Variants in ZPBP observed in about 807,000 individuals in gnomAD.
ZPBP encodes zona pellucida-binding protein 1.
Under a neutral mutation model 44.8 loss-of-function variants are expected in ZPBP, and 26 were observed. The ratio of observed to expected loss-of-function variants is 0.58; its 90% CI spans 0.43 to 0.81. The LOEUF is 0.81. Among genes scored for constraint, ZPBP ranks in the 30% least tolerant of loss-of-function variants. ZPBP has a pLI of 0.00. For missense variants in ZPBP, 409 were observed against 434.0 expected (o/e 0.94, Z 0.51); for synonymous variants, 174 against 153.2 (o/e 1.14, Z -1.00).
chr7:50,040,378 T>C (rs1462780108), intron 4 of ZPBP, among the ~76,000 whole-genome samples: 3 of 152,322 alleles, frequency 2.0e-5, no homozygotes, highest in Non-Finnish European at 2.9e-5. Flanking sequence ...GCTGGCGAGA[T>C]GGCTGAATAG....
intron 5 of ZPBP, among the ~76,000 whole-genome samples, chr7:50,018,949 T>C (rs1435127795): frequency 6.6e-6 from 1 of 152,014 alleles, no homozygotes; most frequent in African/African-American, 2.4e-5. Flanking sequence ...AATGTAGAAA[T>C]GAGTACTGTC....
the ZPBP span, among the ~76,000 whole-genome samples, chr7:49,843,598 C>T: frequency 3.9e-5 from 6 of 152,126 alleles, no homozygotes; most frequent in Non-Finnish European, 7.3e-5. Context: ...TTTGTATGTA[C>T]AGAAAGGTTT....
chr7:49,877,671 A>C (rs988972468), intron 2 of ZPBP, among the ~76,000 whole-genome samples: 1 of 149,372 alleles, frequency 6.7e-6, no homozygotes, highest in African/African-American at 2.5e-5. Flanking sequence ...TGGTACCCCG[A>C]GAGTCATGAA....
At chr7:49,856,622 T>C (rs1223200759) in intron 2 of ZPBP, among the ~76,000 whole-genome samples, 1 of 152,214 alleles carries the variant, frequency 6.6e-6, no homozygotes, top group Non-Finnish European at 1.5e-5. Context: ...TTTGGTGAGT[T>C]TGGACATAAG....
At chr7:49,980,641 C>A (rs1250714963) in intron 7 of ZPBP, among the ~76,000 whole-genome samples, 1 of 151,858 alleles carries the variant, frequency 6.6e-6, no homozygotes, top group Non-Finnish European at 1.5e-5. Flanking sequence ...CAGGTGCCAG[C>A]CTCTTTTGTA....
chr7:50,038,876 A>C (rs548970462), intron 4 of ZPBP, among the ~76,000 whole-genome samples: 2 of 152,292 alleles, frequency 1.3e-5, no homozygotes, highest in Non-Finnish European at 2.9e-5. Flanking sequence ...AGGCCATACC[A>C]CGTAGCCTAC....
chr7:49,935,634 T>G (rs1379572780), downstream of ZPBP: 2 of 152,314 alleles, frequency 1.3e-5, no homozygotes, highest in African/African-American at 4.8e-5. Context: ...CCTGACCTTG[T>G]GATCCGCCAG....
At chr7:49,970,856 T>TAATAAATAAATAAATA (rs148724446) in intron 7 of ZPBP, among the ~76,000 whole-genome samples, 1 of 142,588 alleles carries the variant, frequency 7.0e-6, no homozygotes, top group South Asian at 2.2e-4. Context: ...CTCTACAAAA[T>TAATAAATAAATAAATA]AATAAATAAA....
intron 7 of ZPBP, among the ~76,000 whole-genome samples, chr7:49,980,762 C>T (rs1383303076): frequency 6.6e-6 from 1 of 152,060 alleles, no homozygotes; most frequent in Admixed American, 6.6e-5. Flanking sequence ...CCCACTACGC[C>T]TTACATCCCA....
At chr7:50,087,878 A>G (rs1048304698) in intron 2 of ZPBP, among the ~76,000 whole-genome samples, 5 of 152,080 alleles carry the variant, frequency 3.3e-5, no homozygotes, top group African/African-American at 7.2e-5. Flanking sequence ...TACAGATTCA[A>G]TGAAATCCCT....
intron 3 of ZPBP, among the ~76,000 whole-genome samples, chr7:50,069,768 G>A (rs535181686): frequency 1.4e-4 from 22 of 151,920 alleles, no homozygotes; most frequent in Admixed American, 9.2e-4. Context: ...TCCACCAGAC[G>A]GGGTCCTATT....
At chr7:49,928,392 A>G (rs1335420604) in intron 1 of ZPBP, among the ~76,000 whole-genome samples, 1 of 152,140 alleles carries the variant, frequency 6.6e-6, no homozygotes, top group African/African-American at 2.4e-5. Context: ...TTGCTTAAAA[A>G]TCTGTGCAGT....
intron 6 of ZPBP, among the ~76,000 whole-genome samples, chr7:50,013,381 T>C (rs1798673637): frequency 6.6e-6 from 1 of 151,984 alleles, no homozygotes; most frequent in Admixed American, 6.5e-5. Flanking sequence ...GACCACCATG[T>C]AATGAAGTTC....
rs573276478 is a variant in ZPBP, at chr7:49,955,169, T to C, written c.962-17547A>G. On this transcript the variant is annotated intron_variant, in intron 7 of 7. Transcript: ENST00000046087. ...AAAAATAAAATTAGTGGGCTATAGA[T>C]AAAGCAATGTTAGGAAAAAATGTAA... 3.9e-5 allele frequency among the ~76,000 whole-genome samples: 6 copies of C among 152,186 alleles called. No individual in the cohort carries two copies. In the South Asian group the frequency reaches 1.2e-3, roughly 32 times the overall value.
intron 7 of ZPBP, among the ~76,000 whole-genome samples, chr7:49,954,449 T>C (rs1342179947): frequency 2.0e-5 from 3 of 152,156 alleles, no homozygotes; most frequent in African/African-American, 7.2e-5. Flanking sequence ...TAACTTTGAC[T>C]TCATCAAAAT....
At chr7:50,031,375 C>T in intron 4 of ZPBP, 65 bp from the exon 5 acceptor site, 9 of 1,168,770 alleles carry the variant, frequency 7.7e-6, no homozygotes. Flanking sequence ...CATATTGCAA[C>T]TATTTAAGAA....
At chr7:50,006,446 T>G (rs1798316525) in intron 6 of ZPBP, among the ~76,000 whole-genome samples, 1 of 152,082 alleles carries the variant, frequency 6.6e-6, no homozygotes, top group African/African-American at 2.4e-5. Flanking sequence ...GTTTCTAATT[T>G]AATATGATTA....
In ZPBP at chr7:50,010,740, T is replaced by C. The variant is rs536286647; in HGVS notation, c.783+7500A>G. On this transcript the variant is annotated intron_variant, in intron 6 of 7. Coordinates refer to ENST00000046087, the MANE Select transcript of ZPBP (RefSeq NM_007009.3). ...CTGGAAACACATCCACGCTCATGGA[T>C]GAGTAGAATCAATATTGTCAAAATG... Among the ~76,000 whole-genome samples the C allele has an allele frequency of 2.0e-5, 3 of 152,164 alleles. No individual in the cohort carries two copies. The South Asian group carries it at 6.2e-4, about 32-fold the overall frequency.
intron 7 of ZPBP, 39 bp downstream of exon 7, chr7:49,983,303 T>G (rs751260425): frequency 6.3e-7 from 1 of 1,596,752 alleles, no homozygotes; most frequent in Non-Finnish European, 8.6e-7. Flanking sequence ...ACATAAATTT[T>G]CAACAATATA....
Sources: gnomAD v4.1 joint callset for allele counts (sites outside exome capture counted in the v4.1 genomes callset) on GRCh38, gnomAD v4.1.1 for gene constraint, MANE v1.5 for transcripts, NCBI Gene and HGNC (gene_info 2026-07-23, HGNC 2026-07-21) for gene names.